Variants in ADAMTSL1 observed in about 807,000 individuals in gnomAD.
ADAMTSL1 encodes ADAMTS-like protein 1.
In ADAMTSL1, 126 loss-of-function variants were observed where a neutral mutation model predicts 201.8. The observed-to-expected ratio is 0.62, with a 90% CI of 0.54 to 0.72. ADAMTSL1 has a LOEUF of 0.72. Ranked by LOEUF, ADAMTSL1 falls within the 30% of genes least tolerant of loss-of-function variation. The pLI, the probability that ADAMTSL1 is intolerant of heterozygous loss-of-function variation, is 0.00. For missense variants in ADAMTSL1, 2,679 were observed against 2,277.8 expected (o/e 1.18, Z -3.59); for synonymous variants, 1,121 against 903.4 (o/e 1.24, Z -4.32).
chr9:18,594,173 C>G (rs1824106997), intron 4 of ADAMTSL1, among the ~76,000 whole-genome samples: 1 of 151,804 alleles, frequency 6.6e-6, no homozygotes, highest in African/African-American at 2.4e-5. Context: ...CTTCAGCGTT[C>G]TGAGCGTATT....
intron 2 of ADAMTSL1, among the ~76,000 whole-genome samples, chr9:18,296,195 G>C (rs755927654): frequency 6.6e-6 from 1 of 152,154 alleles, no homozygotes; most frequent in Non-Finnish European, 1.5e-5. Flanking sequence ...TCTTGAGCAA[G>C]TCAAGATCTT....
intron 1 of ADAMTSL1, among the ~76,000 whole-genome samples, chr9:18,079,567 A>T (rs1455649151): frequency 6.6e-6 from 1 of 151,998 alleles, no homozygotes; most frequent in East Asian, 1.9e-4. Context: ...CTGTAGTCCC[A>T]GCTACTTGGG....
At chr9:18,282,850 T>C (rs956589450) in intron 2 of ADAMTSL1, among the ~76,000 whole-genome samples, 2 of 152,144 alleles carry the variant, frequency 1.3e-5, no homozygotes, top group South Asian at 2.1e-4. Flanking sequence ...TGAGCCAAGA[T>C]TGCACCATTG....
At chr9:18,463,754 T>C (rs529578120) in intron 2 of ADAMTSL1, among the ~76,000 whole-genome samples, 1 of 152,368 alleles carries the variant, frequency 6.6e-6, no homozygotes, top group African/African-American at 2.4e-5. Flanking sequence ...TGTTCATTTG[T>C]CAATAAAGAC....
chr9:18,890,217 C>T (rs1829159095), intron 25 of ADAMTSL1, among the ~76,000 whole-genome samples: 1 of 152,218 alleles, frequency 6.6e-6, no homozygotes, highest in Non-Finnish European at 1.5e-5. Context: ...GAAATCTTAT[C>T]TTCCTCTTTT....
At chr9:18,136,722 T>C (rs1777537791) in intron 1 of ADAMTSL1, among the ~76,000 whole-genome samples, 1 of 151,754 alleles carries the variant, frequency 6.6e-6, no homozygotes, top group African/African-American at 2.4e-5. Flanking sequence ...AGTAGGAAAA[T>C]AGACAGATAT....
intron 2 of ADAMTSL1, among the ~76,000 whole-genome samples, chr9:18,516,228 GAA>G (rs1818359932): frequency 6.6e-6 from 1 of 152,094 alleles, no homozygotes; most frequent in Non-Finnish European, 1.5e-5. Context: ...CAGTCACTGA[GAA>G]AGAGAGAGAA....
At chr9:18,263,830 C>T (rs1283597955) in intron 2 of ADAMTSL1, among the ~76,000 whole-genome samples, 1 of 152,118 alleles carries the variant, frequency 6.6e-6, no homozygotes, top group Admixed American at 6.5e-5. Context: ...GGGATGGTAG[C>T]CGCCAACAAG....
chr9:18,303,768 G>A (rs953072265), intron 2 of ADAMTSL1, among the ~76,000 whole-genome samples: 6 of 152,154 alleles, frequency 3.9e-5, no homozygotes, highest in African/African-American at 1.4e-4. Flanking sequence ...ATGGTTTTAT[G>A]GCCATTAATG....
At chr9:18,715,521 A>G (rs1048414473) in intron 14 of ADAMTSL1, among the ~76,000 whole-genome samples, 1 of 152,234 alleles carries the variant, frequency 6.6e-6, no homozygotes, top group African/African-American at 2.4e-5. Context: ...TAGGAATCCA[A>G]CTTACAAGGG....
At chr9:18,555,319 G>C (rs1408886994) in intron 3 of ADAMTSL1, among the ~76,000 whole-genome samples, 1 of 151,858 alleles carries the variant, frequency 6.6e-6, no homozygotes, top group Non-Finnish European at 1.5e-5. Flanking sequence ...CTCTGGATTT[G>C]TGCCTTTTTA....
At position 18,368,838 on chromosome 9, in the gene ADAMTSL1, A is replaced by G. The variant is rs139649234; in HGVS notation, c.208-135991A>G. On this transcript the variant is annotated intron_variant, in intron 2 of 29. Transcript: ENST00000680146. ...ATTGTAGACATCAAGTAATGAAAAA[A>G]TAATCACCACTGAGATTTTAGGGCA... Among the ~76,000 whole-genome samples the G allele has an allele frequency of 4.1e-4, 62 of 152,322 alleles. No individual in the cohort carries two copies. In the East Asian group the frequency reaches 6.0e-3, roughly 15 times the overall value.
chr9:18,286,498 T>C (rs1832997329), intron 2 of ADAMTSL1, among the ~76,000 whole-genome samples: 1 of 152,170 alleles, frequency 6.6e-6, no homozygotes, highest in African/African-American at 2.4e-5. Flanking sequence ...GAAATCCTTA[T>C]AGCCCTGTAA....
chr9:18,396,658 C>G (rs1404256644), intron 2 of ADAMTSL1, among the ~76,000 whole-genome samples: 1 of 151,146 alleles, frequency 6.6e-6, no homozygotes, highest in Non-Finnish European at 1.5e-5. Context: ...GAGTACCAGC[C>G]TTTATCAGCT....
intron 1 of ADAMTSL1, among the ~76,000 whole-genome samples, chr9:17,951,544 T>A (rs1340081587): frequency 6.6e-6 from 1 of 152,158 alleles, no homozygotes; most frequent in East Asian, 1.9e-4. Context: ...TCCTTGATTA[T>A]CTGTGAGGCT....
At chr9:18,170,195 A>T (rs1827827629) in intron 2 of ADAMTSL1, among the ~76,000 whole-genome samples, 1 of 152,098 alleles carries the variant, frequency 6.6e-6, no homozygotes, top group Non-Finnish European at 1.5e-5. Flanking sequence ...TAAGTTTCAC[A>T]CATAAATATT....
chr9:18,389,932 T>C (rs1159147371), intron 2 of ADAMTSL1, among the ~76,000 whole-genome samples: 4 of 152,250 alleles, frequency 2.6e-5, no homozygotes, highest in East Asian at 1.9e-4. Context: ...ATAAGTCTCA[T>C]CTTATGTATT....
At chr9:18,323,913 C>T (rs7854833) in intron 2 of ADAMTSL1, among the ~76,000 whole-genome samples, 98,312 of 151,934 alleles carry the variant, frequency 0.65, 32,616 homozygotes, top group African/African-American at 0.78. Context: ...CTCAAATTGA[C>T]TTATAGATTC....
chr9:18,563,368 G>C, intron 3 of ADAMTSL1, among the ~76,000 whole-genome samples: 1 of 152,176 alleles, frequency 6.6e-6, no homozygotes, highest in East Asian at 1.9e-4. Context: ...ATTGCTGCCT[G>C]TTGCTTCCTC....
Sources: allele counts gnomAD v4.1 joint callset (sites outside exome capture counted in the v4.1 genomes callset), GRCh38; gene constraint gnomAD v4.1.1; transcripts MANE v1.5; gene names NCBI Gene and HGNC (gene_info 2026-07-23, HGNC 2026-07-21).